CORO2B: variants seen among roughly 807,000 people sequenced by gnomAD.
CORO2B encodes coronin 2B, also known as coronin-2B.
In CORO2B, 26 loss-of-function variants were observed where a neutral mutation model predicts 58.8. The ratio of observed to expected loss-of-function variants is 0.44; its 90% CI spans 0.32 to 0.61. The LOEUF is 0.61. Ranked by LOEUF, CORO2B falls within the 20% of genes least tolerant of loss-of-function variation. CORO2B has a pLI of 0.04. For missense variants in CORO2B, 460 were observed against 645.1 expected (o/e 0.71, Z 3.11); for synonymous variants, 242 against 253.8 (o/e 0.95, Z 0.44).
chr15:68,613,872 C>T lies in CORO2B; in HGVS notation c.16-31288C>T, dbSNP rs545190382. Among the ~76,000 whole-genome samples the T allele has an allele frequency of 6.4e-4, 98 of 152,326 alleles. 1 individual carries two copies. In the South Asian group the frequency reaches 8.5e-3, roughly 13 times the overall value. ...GTCATCTTGACTTAGCTCCAGTGTC[C>T]AACTGCTGCTATTTTTGCTTTTCAA... On this transcript the variant is annotated intron_variant, in intron 1 of 11. Transcript: ENST00000261861.
chr15:68,581,944 G>A (rs1899437411), intron 1 of CORO2B, among the ~76,000 whole-genome samples: 1 of 152,122 alleles, frequency 6.6e-6, no homozygotes, highest in Non-Finnish European at 1.5e-5. Context: ...GTCCCCTCAG[G>A]GCAGAGTCCT....
chr15:68,635,280 A>G (rs1900995879), intron 1 of CORO2B, among the ~76,000 whole-genome samples: 1 of 152,198 alleles, frequency 6.6e-6, no homozygotes, highest in Admixed American at 6.5e-5. Context: ...TCAGTTCCTC[A>G]AAATAGGTCA....
At chr15:68,518,727 T>C in the CORO2B span, among the ~76,000 whole-genome samples, 1 of 152,046 alleles carries the variant, frequency 6.6e-6, no homozygotes, top group Non-Finnish European at 1.5e-5. Flanking sequence ...CTGGGAACCC[T>C]GTGATGCCCT....
intron 1 of CORO2B, among the ~76,000 whole-genome samples, chr15:68,609,206 A>G (rs1488878274): frequency 3.3e-5 from 5 of 152,198 alleles, no homozygotes; most frequent in Admixed American, 6.5e-5. Flanking sequence ...CAACATGAGC[A>G]TGGGGCATTG....
At chr15:68,721,944 G>A (rs758286058) in intron 11 of CORO2B, among the ~76,000 whole-genome samples, 7 of 151,976 alleles carry the variant, frequency 4.6e-5, no homozygotes, top group African/African-American at 1.5e-4. Context: ...GTAGAGACAG[G>A]GTCTTACTAT....
Position 68,726,318 on chromosome 15 carries a change from G to A in CORO2B, c.*344G>A, listed in dbSNP as rs1267189385. On this transcript the variant is annotated 3_prime_UTR_variant, in exon 12 of 12. Coordinates refer to ENST00000261861, the MANE Select transcript of CORO2B (RefSeq NM_006091.5). Reference sequence around the variant, plus strand: ...AAGAGGGGAAGCGGGATCCCAGCTAGACTTAGAACTTGGACTTTTCCCCTG... The same window carrying A: ...AAGAGGGGAAGCGGGATCCCAGCTAAACTTAGAACTTGGACTTTTCCCCTG... 1.9e-5 allele frequency: 6 copies of A among 318,280 alleles called. No individual in the cohort carries two copies. The highest frequency in any genetic ancestry group is 3.5e-5 in the Non-Finnish European group (6 of 169,714). 19.7% of individuals were successfully genotyped at this position (318,280 alleles called of 1,614,324 possible).
chr15:68,660,258 T>G (rs1006016805), intron 2 of CORO2B, among the ~76,000 whole-genome samples: 1 of 152,216 alleles, frequency 6.6e-6, no homozygotes, highest in African/African-American at 2.4e-5. Context: ...TGGTGCTGCT[T>G]CTTCTATGTC....
chr15:68,554,232 G>A, the CORO2B span, among the ~76,000 whole-genome samples: 1 of 152,108 alleles, frequency 6.6e-6, no homozygotes, highest in Non-Finnish European at 1.5e-5. Flanking sequence ...GAGGTGAGCA[G>A]CTGAAATTGA....
intron 11 of CORO2B, among the ~76,000 whole-genome samples, chr15:68,724,126 C>T (rs1171660652): frequency 6.6e-6 from 1 of 152,138 alleles, no homozygotes; most frequent in Non-Finnish European, 1.5e-5. Context: ...ACCTTGAACC[C>T]GGGAAGCGGA....
At chr15:68,725,732 G>C (rs1207273722) in intron 11 of CORO2B, 111 bp from the exon 12 acceptor site, 6 of 1,392,376 alleles carry the variant, frequency 4.3e-6, no homozygotes, top group Non-Finnish European at 5.9e-6. Context: ...TGGGAGGCCT[G>C]GGGGAATGTG....
intron 1 of CORO2B, among the ~76,000 whole-genome samples, chr15:68,643,264 C>T (rs1196037760): frequency 6.6e-6 from 1 of 151,952 alleles, no homozygotes; most frequent in East Asian, 1.9e-4. Context: ...GAAGGGAGAG[C>T]CTTGCCTGCA....
the CORO2B span, among the ~76,000 whole-genome samples, chr15:68,518,666 T>C: frequency 6.6e-6 from 1 of 152,252 alleles, no homozygotes; most frequent in Non-Finnish European, 1.5e-5. Flanking sequence ...TGGCTGTGAC[T>C]GGAGAAACAG....
chr15:68,589,165 C>T (rs1477382303), intron 1 of CORO2B, among the ~76,000 whole-genome samples: 2 of 152,164 alleles, frequency 1.3e-5, no homozygotes, highest in African/African-American at 2.4e-5. Flanking sequence ...ATTTCTCAAT[C>T]CTTGGAGTTC....
At chr15:68,677,119 G>A (rs1195076258) in intron 2 of CORO2B, among the ~76,000 whole-genome samples, 5 of 152,096 alleles carry the variant, frequency 3.3e-5, no homozygotes, top group African/African-American at 1.2e-4. Flanking sequence ...TCCCCGCCAG[G>A]CCTGGAGCCC....
intron 2 of CORO2B, among the ~76,000 whole-genome samples, chr15:68,693,284 G>A (rs543780507): frequency 6.6e-6 from 1 of 152,358 alleles, no homozygotes; most frequent in South Asian, 2.1e-4. Context: ...GGAAGTGGTG[G>A]GGAAGAGGTC....
At chr15:68,621,890 G>T (rs1424755551) in intron 1 of CORO2B, among the ~76,000 whole-genome samples, 1 of 151,590 alleles carries the variant, frequency 6.6e-6, no homozygotes, top group African/African-American at 2.4e-5. Flanking sequence ...CCAAGGAGCT[G>T]GGACTATAGG....
At chr15:68,709,665 C>T (rs1246859956) in intron 3 of CORO2B, among the ~76,000 whole-genome samples, 1 of 152,034 alleles carries the variant, frequency 6.6e-6, no homozygotes, top group Admixed American at 6.6e-5. Flanking sequence ...CTGTGTTGCT[C>T]ATGCTGAAAG....
intron 1 of CORO2B, among the ~76,000 whole-genome samples, chr15:68,637,812 T>C (rs1901079674): frequency 1.3e-5 from 2 of 152,196 alleles, no homozygotes; most frequent in Non-Finnish European, 2.9e-5. Flanking sequence ...TGTAGCCACA[T>C]TGCCCCCTCA....
At chr15:68,540,835 G>A in the CORO2B span, among the ~76,000 whole-genome samples, 1 of 151,890 alleles carries the variant, frequency 6.6e-6, no homozygotes, top group East Asian at 1.9e-4. Context: ...CCTAATTCAC[G>A]CTAAAAGCAC....
Sources: allele counts gnomAD v4.1 joint callset (sites outside exome capture counted in the v4.1 genomes callset), GRCh38; gene constraint gnomAD v4.1.1; transcripts MANE v1.5; gene names NCBI Gene and HGNC (gene_info 2026-07-23, HGNC 2026-07-21).